The following THRB variants were observed in gnomAD, a reference collection of about 807,000 sequenced individuals.
THRB encodes the protein thyroid hormone receptor beta, also known as nuclear receptor subfamily 1 group A member 2.
In THRB, 12 loss-of-function variants were observed where a neutral mutation model predicts 47.8. The observed-to-expected ratio is 0.25, with a 90% CI of 0.16 to 0.41. The LOEUF (loss-of-function observed/expected upper bound fraction) is 0.41. Ranked by LOEUF, THRB falls within the 10% of genes least tolerant of loss-of-function variation. The pLI is 1.00. For synonymous variants in THRB, 218 were observed against 212.2 expected (o/e 1.03, Z -0.24); for missense variants, 348 against 589.2 (o/e 0.59, Z 4.24).
chr3:24,239,857 T>C (rs1256798644), intron 3 of THRB, among the ~76,000 whole-genome samples: 1 of 152,152 alleles, frequency 6.6e-6, no homozygotes, highest in Non-Finnish European at 1.5e-5. Context: ...ACTTTCTCAG[T>C]GTATGTCACT....
intron 4 of THRB, among the ~76,000 whole-genome samples, chr3:24,214,206 A>T (rs1375181403): frequency 1.3e-5 from 2 of 152,178 alleles, no homozygotes; most frequent in Non-Finnish European, 2.9e-5. Flanking sequence ...CTTCTGTGGC[A>T]TTAGGGGTCA....
chr3:24,331,712 T>G (rs879641883), intron 2 of THRB, among the ~76,000 whole-genome samples: 2 of 151,962 alleles, frequency 1.3e-5, no homozygotes. Flanking sequence ...TGTTTAAACA[T>G]AGTTCACAGT....
chr3:24,185,440 G>T (rs905466593), intron 5 of THRB, among the ~76,000 whole-genome samples: 5 of 149,492 alleles, frequency 3.3e-5, no homozygotes, highest in Non-Finnish European at 7.4e-5. Context: ...TTAAAAATTT[G>T]TAGAAATTTT....
intron 1 of THRB, among the ~76,000 whole-genome samples, chr3:24,371,990 C>T (rs181234421): frequency 1.4e-4 from 21 of 152,168 alleles, no homozygotes; most frequent in African/African-American, 5.1e-4. Flanking sequence ...CTCTATGCCC[C>T]CAATAACACC....
intron 4 of THRB, among the ~76,000 whole-genome samples, chr3:24,201,371 G>T (rs956893913): frequency 6.6e-6 from 1 of 151,956 alleles, no homozygotes; most frequent in Admixed American, 6.6e-5. Context: ...GAATATCTAC[G>T]GCCCTGTTAC....
chr3:24,278,687 G>A (rs2054196693), intron 3 of THRB, among the ~76,000 whole-genome samples: 1 of 152,094 alleles, frequency 6.6e-6, no homozygotes. Context: ...CTACTTCTCT[G>A]TAACTGTTTC....
At chr3:24,220,633 C>T (rs776677117) in intron 4 of THRB, among the ~76,000 whole-genome samples, 1 of 152,094 alleles carries the variant, frequency 6.6e-6, no homozygotes, top group South Asian at 2.1e-4. Flanking sequence ...AGCAATTGTC[C>T]GAATCTCTAG....
chr3:24,490,108 C>T (rs1282750208), intron 1 of THRB, among the ~76,000 whole-genome samples: 1 of 152,108 alleles, frequency 6.6e-6, no homozygotes, highest in African/African-American at 2.4e-5. Flanking sequence ...ATTTCAGAAT[C>T]CTTTTGTATT....
intron 4 of THRB, among the ~76,000 whole-genome samples, chr3:24,191,973 C>A (rs1016929725): frequency 6.6e-6 from 1 of 152,146 alleles, no homozygotes; most frequent in African/African-American, 2.4e-5. Context: ...GAGAAGAGCT[C>A]TGAAAATTCA....
At chr3:24,464,376 A>T (rs1222220413) in intron 1 of THRB, among the ~76,000 whole-genome samples, 59 of 152,196 alleles carry the variant, frequency 3.9e-4, no homozygotes, top group Admixed American at 3.9e-3. Flanking sequence ...ATCAATGGTG[A>T]TGACAGTCTT....
At chr3:24,263,448 G>A (rs905689469) in intron 3 of THRB, among the ~76,000 whole-genome samples, 8 of 151,974 alleles carry the variant, frequency 5.3e-5, no homozygotes, top group African/African-American at 1.7e-4. Flanking sequence ...TAAAGTCCAC[G>A]CTTTTAAAAT....
At chr3:24,186,629 G>A (rs1164047608) in intron 5 of THRB, among the ~76,000 whole-genome samples, 1 of 152,108 alleles carries the variant, frequency 6.6e-6, no homozygotes, top group Non-Finnish European at 1.5e-5. Context: ...GCAGACAGAA[G>A]CATAGGTATA....
At chr3:24,294,567 T>G (rs969672154) in intron 3 of THRB, among the ~76,000 whole-genome samples, 1 of 152,240 alleles carries the variant, frequency 6.6e-6, no homozygotes, top group Admixed American at 6.5e-5. Context: ...GACAAGACAC[T>G]GCTTCTCTTT....
In THRB at chr3:24,119,360, C is replaced by A. The variant is rs1462074351; in HGVS notation, c.*3524G>T. 1 of 152,170 alleles carries A rather than the reference C, an allele frequency of 6.6e-6. No homozygotes were observed. Among genetic ancestry groups the A allele is most frequent in the Admixed American group, 6.5e-5 (1 of 15,286 alleles). The allele number at this position is 152,170 out of a possible 1,614,324, so 9.4% of individuals were successfully genotyped here. On this transcript the variant is annotated 3_prime_UTR_variant, in exon 11 of 11. Transcript: ENST00000646209. ...AGTTCATGAAAAAGGTTTAGCCTTACAAATGCTGGCTACATTTCAAAAACT... is the reference window on the plus strand; with the variant it reads ...AGTTCATGAAAAAGGTTTAGCCTTAAAAATGCTGGCTACATTTCAAAAACT...
chr3:24,294,180 G>C (rs1465063604), intron 3 of THRB, among the ~76,000 whole-genome samples: 1 of 152,172 alleles, frequency 6.6e-6, no homozygotes, highest in East Asian at 1.9e-4. Flanking sequence ...ACCATCCTGA[G>C]GCAGCCATGC....
chr3:24,235,033 G>A (rs764526001), intron 3 of THRB, among the ~76,000 whole-genome samples: 278 of 152,332 alleles, frequency 1.8e-3, no homozygotes, highest in Non-Finnish European at 2.1e-3. Flanking sequence ...CAGTGTGGAG[G>A]AGGCCTGCTT....
At chr3:24,374,028 G>T (rs1334503379) in intron 1 of THRB, among the ~76,000 whole-genome samples, 1 of 151,868 alleles carries the variant, frequency 6.6e-6, no homozygotes, top group Non-Finnish European at 1.5e-5. Flanking sequence ...TGATTCTGGG[G>T]GCTGCCCAAT....
intron 7 of THRB, 78 bp from the exon 8 acceptor site, chr3:24,143,784 A>C: frequency 6.8e-7 from 1 of 1,480,894 alleles, no homozygotes; most frequent in Non-Finnish European, 9.4e-7. Flanking sequence ...CTGGAGCCTC[A>C]GGAGTGGGAC....
chr3:24,375,262 T>G (rs2149787894), intron 1 of THRB, among the ~76,000 whole-genome samples: 1 of 149,924 alleles, frequency 6.7e-6, no homozygotes, highest in Admixed American at 6.7e-5. Context: ...AACAAAACAC[T>G]TCATGTTCAA....
Sources: gnomAD v4.1 joint callset for allele counts (sites outside exome capture counted in the v4.1 genomes callset) on GRCh38, gnomAD v4.1.1 for gene constraint, MANE v1.5 for transcripts, NCBI Gene and HGNC (gene_info 2026-07-23, HGNC 2026-07-21) for gene names.